PPP2R2B: variants seen among roughly 807,000 people sequenced by gnomAD.
PPP2R2B encodes the protein serine/threonine-protein phosphatase 2A 55 kDa regulatory subunit B beta isoform.
In PPP2R2B, 5 loss-of-function variants were observed where a neutral mutation model predicts 46.0. The ratio of observed to expected loss-of-function variants is 0.11; its 90% CI spans 0.06 to 0.23. The LOEUF is 0.23. PPP2R2B is among the 10% of genes least tolerant of loss of function. PPP2R2B has a pLI of 1.00. For missense variants in PPP2R2B, 367 were observed against 575.0 expected, an observed-to-expected ratio of 0.64 and a Z score of 3.70; for synonymous variants, 215 against 206.7, an observed-to-expected ratio of 1.04 and a Z score of -0.34.
intron 1 of PPP2R2B, among the ~76,000 whole-genome samples, chr5:146,909,780 C>A (rs1763117440): frequency 6.6e-6 from 1 of 152,066 alleles, no homozygotes; most frequent in South Asian, 2.1e-4. Flanking sequence ...ATTTAAGAGT[C>A]CCCAAGCTCT....
chr5:147,038,672 G>A (rs145944893), intron 1 of PPP2R2B, among the ~76,000 whole-genome samples: 70 of 152,266 alleles, frequency 4.6e-4, no homozygotes, highest in Middle Eastern at 3.4e-3. Flanking sequence ...AAAACTTTAT[G>A]TTCATTATCC....
At chr5:147,040,260 G>T (rs975048694) in intron 1 of PPP2R2B, among the ~76,000 whole-genome samples, 3 of 152,228 alleles carry the variant, frequency 2.0e-5, no homozygotes, top group African/African-American at 4.8e-5. Flanking sequence ...AAATAATTTT[G>T]TATGATACCC....
chr5:146,695,166 A>C (rs2151159087), intron 4 of PPP2R2B, among the ~76,000 whole-genome samples: 1 of 152,280 alleles, frequency 6.6e-6, no homozygotes, highest in South Asian at 2.1e-4. Flanking sequence ...AGTTTGCAGA[A>C]TATATCATAT....
chr5:147,016,551 T>TA (rs199602304), intron 1 of PPP2R2B, among the ~76,000 whole-genome samples: 120,281 of 150,454 alleles, frequency 0.8, 48,838 homozygotes, highest in African/African-American at 0.88. Flanking sequence ...TGAGAAAACA[T>TA]AGGGGACACA....
intron 1 of PPP2R2B, among the ~76,000 whole-genome samples, chr5:146,954,968 T>C (rs1359081402): frequency 1.3e-5 from 2 of 152,136 alleles, no homozygotes; most frequent in African/African-American, 2.4e-5. Context: ...ATGCTTACTG[T>C]ATAGGAAGAA....
In PPP2R2B at chr5:146,589,246, G is replaced by A. The variant is rs1266405364; in HGVS notation, c.*701C>T. Reference sequence around the variant, plus strand: ...AGCTCACTCTGGGAAGCACTGTGTCGAAAGTGCTCTCTTTCTGTCCCCTGA... The same window carrying A: ...AGCTCACTCTGGGAAGCACTGTGTCAAAAGTGCTCTCTTTCTGTCCCCTGA... On this transcript the variant is annotated 3_prime_UTR_variant, in exon 10 of 10. Transcript: ENST00000394411. 2 of 152,214 alleles carry A rather than the reference G, an allele frequency of 1.3e-5. No individual in the cohort carries two copies. Among genetic ancestry groups the A allele is most frequent in the African/African-American group, 4.8e-5 (2 of 41,436 alleles). 9.4% of individuals were successfully genotyped at this position (152,214 alleles called of 1,614,324 possible).
chr5:147,077,893 C>T (rs181965731), intron 2 of PPP2R2B, among the ~76,000 whole-genome samples: 16 of 152,302 alleles, frequency 1.1e-4, no homozygotes, highest in East Asian at 5.8e-4. Flanking sequence ...CTTCAGTTCA[C>T]GTGTATTCAT....
intron 2 of PPP2R2B, among the ~76,000 whole-genome samples, chr5:146,840,978 T>C (rs534810777): frequency 6.6e-6 from 1 of 152,298 alleles, no homozygotes; most frequent in Non-Finnish European, 1.5e-5. Flanking sequence ...TATTAAACAT[T>C]AGTGGCCAAT....
In PPP2R2B at chr5:146,757,498, G is replaced by A. The variant is rs187636091; in HGVS notation, c.71-56356C>T. Among the ~76,000 whole-genome samples, 3 of 152,232 alleles carry A rather than the reference G, an allele frequency of 2.0e-5. No homozygotes were observed. The East Asian group carries it at 5.8e-4, about 29-fold the overall frequency. ...TTTGGAGTTTAAAGGAAAATGGGTGGAAGGCGAGAGATGGAAGCCCCATTT... is the reference window on the plus strand; with the variant it reads ...TTTGGAGTTTAAAGGAAAATGGGTGAAAGGCGAGAGATGGAAGCCCCATTT... On this transcript the variant is annotated intron_variant, in intron 2 of 9. Coordinates refer to ENST00000394411, the MANE Select transcript of PPP2R2B (RefSeq NM_181675.4).
chr5:146,640,535 G>T (rs554907972), intron 6 of PPP2R2B, among the ~76,000 whole-genome samples: 2 of 152,200 alleles, frequency 1.3e-5, no homozygotes, highest in Non-Finnish European at 2.9e-5. Context: ...GTTTTCAGCT[G>T]CTGTTAGATT....
At chr5:146,801,412 A>G (rs1756857965) in intron 2 of PPP2R2B, among the ~76,000 whole-genome samples, 1 of 152,238 alleles carries the variant, frequency 6.6e-6, no homozygotes, top group African/African-American at 2.4e-5. Flanking sequence ...TATGACACAT[A>G]CATCAAATCA....
At chr5:146,900,137 G>T (rs913763119) in intron 1 of PPP2R2B, among the ~76,000 whole-genome samples, 1 of 152,178 alleles carries the variant, frequency 6.6e-6, no homozygotes, top group Non-Finnish European at 1.5e-5. Flanking sequence ...TTTGCTAGAT[G>T]CTTTATTGTG....
chr5:146,805,163 C>A (rs1274187932), intron 2 of PPP2R2B, among the ~76,000 whole-genome samples: 1 of 152,120 alleles, frequency 6.6e-6, no homozygotes, highest in African/African-American at 2.4e-5. Flanking sequence ...AAACTGTGCT[C>A]AGAAATATCC....
At chr5:146,622,583 A>G (rs1003960756) in intron 7 of PPP2R2B, among the ~76,000 whole-genome samples, 2 of 152,208 alleles carry the variant, frequency 1.3e-5, no homozygotes, top group Non-Finnish European at 2.9e-5. Flanking sequence ...GAGTATCTGA[A>G]AGCCACCTAG....
At chr5:146,784,816 C>G (rs1356395787) in intron 2 of PPP2R2B, among the ~76,000 whole-genome samples, 1 of 152,114 alleles carries the variant, frequency 6.6e-6, no homozygotes, top group African/African-American at 2.4e-5. Flanking sequence ...TACAGAATAT[C>G]AGTTTCCTGG....
intron 2 of PPP2R2B, among the ~76,000 whole-genome samples, chr5:146,750,480 C>T (rs544753901): frequency 1.3e-3 from 192 of 152,276 alleles, no homozygotes; most frequent in African/African-American, 4.3e-3. Context: ...AATTCAGTTG[C>T]TCAAAAGAGG....
intron 1 of PPP2R2B, among the ~76,000 whole-genome samples, chr5:146,992,031 A>G (rs1753717978): frequency 6.6e-6 from 1 of 152,200 alleles, no homozygotes; most frequent in African/African-American, 2.4e-5. Flanking sequence ...CAATTCTAAA[A>G]TTTATATGGA....
chr5:146,734,816 T>A (rs1752441138), intron 2 of PPP2R2B, among the ~76,000 whole-genome samples: 1 of 152,224 alleles, frequency 6.6e-6, no homozygotes, highest in African/African-American at 2.4e-5. Flanking sequence ...GACCTGATGA[T>A]ACTTATGTTT....
intron 2 of PPP2R2B, among the ~76,000 whole-genome samples, chr5:146,726,352 A>C (rs17105298): frequency 0.13 from 19,789 of 152,156 alleles, 1,535 homozygotes; most frequent in East Asian, 0.4. Context: ...CAAAGAGTGG[A>C]ACACAGGACT....
Sources: allele counts gnomAD v4.1 joint callset (sites outside exome capture counted in the v4.1 genomes callset), GRCh38; gene constraint gnomAD v4.1.1; transcripts MANE v1.5; gene names NCBI Gene and HGNC (gene_info 2026-07-23, HGNC 2026-07-21).